The following PAQR5 variants were observed in gnomAD, a reference collection of about 807,000 sequenced individuals.
PAQR5 encodes the protein progestin and adipoQ receptor family member 5.
Under a neutral mutation model 34.5 loss-of-function variants are expected in PAQR5, and 20 were observed. The ratio of observed to expected loss-of-function variants is 0.58; its 90% CI spans 0.41 to 0.84. The LOEUF is 0.84. Ranked by LOEUF, PAQR5 falls within the 40% of genes least tolerant of loss-of-function variation. The pLI is 0.00. For missense variants in PAQR5, 378 were observed against 412.7 expected (o/e 0.92, Z 0.73); for synonymous variants, 131 against 155.6 (o/e 0.84, Z 1.18).
intron 1 of PAQR5, among the ~76,000 whole-genome samples, chr15:69,302,507 G>T (rs972868799): frequency 5.3e-5 from 8 of 152,292 alleles, no homozygotes; most frequent in African/African-American, 1.9e-4. Flanking sequence ...CCAGTGTCTT[G>T]TTCATCGAAG....
chr15:69,308,176 C>T (rs1263755428), intron 1 of PAQR5, among the ~76,000 whole-genome samples: 1 of 152,146 alleles, frequency 6.6e-6, no homozygotes, highest in Non-Finnish European at 1.5e-5. Context: ...AATCCCTGCC[C>T]TGGGCATGTC....
intron 8 of PAQR5, among the ~76,000 whole-genome samples, chr15:69,401,181 T>C (rs968324081): frequency 1.4e-4 from 21 of 152,094 alleles, no homozygotes; most frequent in African/African-American, 5.1e-4. Context: ...CCTTGCATCA[T>C]TTCTGGTGAG....
chr15:69,391,734 A>G, intron 6 of PAQR5: 1 of 455,554 alleles, frequency 2.2e-6, no homozygotes, highest in Non-Finnish European at 4.4e-6. Flanking sequence ...CAGAGGAGGA[A>G]GAGAAGGCTT....
chr15:69,319,158 CATATATAT>C (rs869082537), intron 1 of PAQR5, among the ~76,000 whole-genome samples: 178 of 4,074 alleles, frequency 0.044, no homozygotes, highest in African/African-American at 0.05. Flanking sequence ...TAAATATATA[CATATATAT>C]ATATATATAT....
chr15:69,358,703 C>T (rs187264311), intron 2 of PAQR5, among the ~76,000 whole-genome samples: 321 of 128,658 alleles, frequency 2.5e-3, no homozygotes, highest in African/African-American at 8.8e-3. Flanking sequence ...ATGATCATGG[C>T]TCACAGCAGC....
At chr15:69,349,821 T>C (rs1244565415) in intron 2 of PAQR5, among the ~76,000 whole-genome samples, 3 of 151,932 alleles carry the variant, frequency 2.0e-5, no homozygotes, top group Non-Finnish European at 1.5e-5. Context: ...TTTGTATTTT[T>C]AGAAGAGATG....
rs201055081 is a variant in PAQR5 at position 69,310,045 on chromosome 15, AT to A, written c.-277+10991del. ...CCTGGGTGACAGAGTGAGACTCCAT[AT>A]TAAAAAAAAAACAAAAAAAACAAAA... On this transcript the variant is annotated intron_variant, in intron 1 of 8. Transcript: ENST00000395407. Among the ~76,000 whole-genome samples the A allele has an allele frequency of 4.1e-3, 435 of 106,538 alleles. 9 individuals are homozygous for A. The highest frequency in any genetic ancestry group is 0.033 in the Admixed American group (313 of 9,466). The allele number at this position is 106,538 out of a possible 152,430, so 69.9% of individuals were successfully genotyped here. A position where few individuals can be genotyped will look rare whatever the true frequency, so the allele number is the denominator to read the frequency against.
At chr15:69,391,506 A>G (rs1233806982) in intron 6 of PAQR5, 1 of 335,334 alleles carries the variant, frequency 3.0e-6, no homozygotes, top group Non-Finnish European at 5.9e-6. Flanking sequence ...GATATAGAAC[A>G]GTAATAACCC....
At chr15:69,354,555 A>G (rs190775355) in intron 2 of PAQR5, among the ~76,000 whole-genome samples, 14 of 152,332 alleles carry the variant, frequency 9.2e-5, no homozygotes, top group Non-Finnish European at 1.8e-4. Flanking sequence ...GGATAATTGT[A>G]TCATGTTTTG....
chr15:69,308,940 C>T (rs764689402), intron 1 of PAQR5, among the ~76,000 whole-genome samples: 1 of 151,980 alleles, frequency 6.6e-6, no homozygotes, highest in African/African-American at 2.4e-5. Context: ...TTCTGATGAC[C>T]GAAAGGGTTT....
intron 3 of PAQR5, among the ~76,000 whole-genome samples, chr15:69,377,604 C>T (rs1413332652): frequency 6.6e-6 from 1 of 152,236 alleles, no homozygotes; most frequent in Non-Finnish European, 1.5e-5. Flanking sequence ...TAAGAGTTGT[C>T]TAAAACTTGG....
chr15:69,324,146 A>G lies in PAQR5; in HGVS notation c.-276-13195A>G, dbSNP rs936985547. 4.3e-5 allele frequency among the ~76,000 whole-genome samples: 6 copies of G among 138,592 alleles called. 1 individual carries two copies. Among genetic ancestry groups the G allele is most frequent in the Non-Finnish European group, 6.4e-5 (4 of 62,702 alleles). The allele number at this position is 138,592 out of a possible 152,430, so 90.9% of individuals were successfully genotyped here. ...AGCTAGGGCAAAAAAAAAAAAAAAG[A>G]AAAAAGAAAAAAGGCTCAGTACACT... On this transcript the variant is annotated intron_variant, in intron 1 of 8. Coordinates refer to ENST00000395407, the MANE Select transcript of PAQR5 (RefSeq NM_017705.4).
At chr15:69,382,214 A>C (rs887839541) in intron 4 of PAQR5, among the ~76,000 whole-genome samples, 2 of 152,166 alleles carry the variant, frequency 1.3e-5, no homozygotes, top group African/African-American at 4.8e-5. Context: ...GGACATAGAC[A>C]AACTACATGG....
chr15:69,402,072 AT>A (rs1326170231), intron 8 of PAQR5, among the ~76,000 whole-genome samples: 2 of 151,960 alleles, frequency 1.3e-5, no homozygotes, highest in Non-Finnish European at 2.9e-5. Flanking sequence ...GAGAAACCTT[AT>A]TTAACTCTTA....
Position 69,404,872 on chromosome 15 carries a change from A to G in PAQR5, c.*1050A>G, listed in dbSNP as rs1401624745. The G allele has an allele frequency of 2.3e-5, 9 of 398,276 alleles. No individual in the cohort carries two copies. The highest frequency in any genetic ancestry group is 3.1e-5 in the Non-Finnish European group (7 of 225,962). 24.7% of individuals were successfully genotyped at this position (398,276 alleles called of 1,614,324 possible). On this transcript the variant is annotated 3_prime_UTR_variant, in exon 9 of 9. Transcript: ENST00000395407. ...AGGGGGTTCTGCTTCACTAGGTTAA[A>G]TGTAGGTTTTGTAGAGGAGATCTGC... is the stretch of plus-strand genomic sequence containing the variant.
At position 69,300,935 on chromosome 15, in the gene PAQR5, CTCTCTTTCTTTCCT is replaced by C. The variant is rs1408236243; in HGVS notation, c.-277+1883_-277+1896del. ...TTCCTTTCTCTCTCTCTCTCTCTCT[CTCTCTTTCTTTCCT>C]TCTTTCTTTCTTTCTTTCTTTCTTT... On this transcript the variant is annotated intron_variant, in intron 1 of 8. Coordinates refer to ENST00000395407, the MANE Select transcript of PAQR5 (RefSeq NM_017705.4). Among the ~76,000 whole-genome samples, 5 of 30,972 alleles carry C rather than the reference CTCTCTTTCTTTCCT, an allele frequency of 1.6e-4. 1 individual carries two copies. The highest frequency in any genetic ancestry group is 3.5e-4 in the African/African-American group (5 of 14,224). 20.3% of individuals were successfully genotyped at this position (30,972 alleles called of 152,430 possible). A position where few individuals can be genotyped will look rare whatever the true frequency, so the allele number is the denominator to read the frequency against.
intron 1 of PAQR5, among the ~76,000 whole-genome samples, chr15:69,303,160 A>C (rs1332880301): frequency 6.6e-6 from 1 of 152,182 alleles, no homozygotes; most frequent in Admixed American, 6.5e-5. Flanking sequence ...ACCATTTCTC[A>C]GTATACAGAT....
intron 1 of PAQR5, among the ~76,000 whole-genome samples, chr15:69,323,931 C>T (rs1219499912): frequency 6.6e-6 from 1 of 152,118 alleles, no homozygotes; most frequent in African/African-American, 2.4e-5. Context: ...TCAGTTACCA[C>T]AGATCTGTAC....
intron 1 of PAQR5, among the ~76,000 whole-genome samples, chr15:69,317,694 G>A (rs575183189): frequency 2.6e-5 from 4 of 152,280 alleles, no homozygotes; most frequent in Non-Finnish European, 2.9e-5. Context: ...GGGAGGTGCA[G>A]CAGCTCCCTG....
Sources: allele counts gnomAD v4.1 joint callset (sites outside exome capture counted in the v4.1 genomes callset), GRCh38; gene constraint gnomAD v4.1.1; transcripts MANE v1.5; gene names NCBI Gene and HGNC (gene_info 2026-07-23, HGNC 2026-07-21).